DMXL2: variants seen among roughly 807,000 people sequenced by gnomAD.
The protein encoded by DMXL2 is Dmx like 2.
DMXL2 carries 103 observed loss-of-function variants against 331.1 expected under a neutral mutation model. The observed-to-expected ratio is 0.31, with a 90% CI of 0.27 to 0.37. The LOEUF is 0.37. Ranked by LOEUF, DMXL2 falls within the 10% of genes least tolerant of loss-of-function variation. The probability of loss-of-function intolerance (pLI) is 1.00; values close to 1 mark genes in which losing one functional copy is unlikely to be tolerated. For missense variants in DMXL2, 3,171 were observed against 3,642.9 expected, an observed-to-expected ratio of 0.87 and a Z score of 3.33; for synonymous variants, 1,281 against 1,252.1, an observed-to-expected ratio of 1.02 and a Z score of -0.49.
intron 18 of DMXL2, among the ~76,000 whole-genome samples, chr15:51,496,788 A>G (rs775878706): frequency 3.3e-4 from 50 of 152,318 alleles, no homozygotes; most frequent in Non-Finnish European, 3.2e-4. Context: ...TATGAGAGAA[A>G]GCAGAGTCAA....
chr15:51,594,540 G>T (rs888207830), intron 1 of DMXL2, among the ~76,000 whole-genome samples: 2 of 152,134 alleles, frequency 1.3e-5, no homozygotes, highest in African/African-American at 4.8e-5. Flanking sequence ...AAGAAAAAGA[G>T]GGAATCCTCC....
chr15:51,505,292 A>G (rs2043979750), intron 16 of DMXL2, among the ~76,000 whole-genome samples: 1 of 152,220 alleles, frequency 6.6e-6, no homozygotes, highest in South Asian at 2.1e-4. Flanking sequence ...CTCTACTGTA[A>G]TCTCATTGTC....
intron 6 of DMXL2, among the ~76,000 whole-genome samples, chr15:51,559,534 A>G (rs1286223089): frequency 6.6e-6 from 1 of 152,060 alleles, no homozygotes; most frequent in Non-Finnish European, 1.5e-5. Context: ...GGGCAACATA[A>G]GGAGATAACA....
chr15:51,472,200 C>T (rs755945835), intron 28 of DMXL2, among the ~76,000 whole-genome samples: 42 of 152,090 alleles, frequency 2.8e-4, no homozygotes, highest in Non-Finnish European at 5.1e-4. Context: ...TAAACCTCCC[C>T]ATCACAGAAA....
Position 51,471,220 on chromosome 15 carries a change from T to C in DMXL2, c.7392+3A>G. The stretch of plus-strand genomic sequence containing the variant: ...TAAAGCTTGCATTCCTCACACTCCT[T>C]ACCTTTGCAACAAAATAATCCCACA... On this transcript the variant is annotated splice_donor_region_variant and intron_variant, in intron 29 of 43. Coordinates refer to ENST00000560891, the MANE Select transcript of DMXL2 (RefSeq NM_001378457.1). 6.2e-7 allele frequency: 1 copy of C among 1,613,422 alleles called. No homozygotes were observed. The highest frequency in any genetic ancestry group is 8.5e-7 in the Non-Finnish European group (1 of 1,179,524).
chr15:51,453,540 G>C lies in DMXL2; in HGVS notation c.8696+10C>G, dbSNP rs1452012845. On this transcript the variant is annotated intron_variant, in intron 41 of 43. Coordinates refer to ENST00000560891, the MANE Select transcript of DMXL2 (RefSeq NM_001378457.1). The stretch of plus-strand genomic sequence containing the variant: ...TTTATATTTCTTACTTTGCTTTTCT[G>C]TCAACCTACCTATTGTCATTGGAGT... 2 of 1,580,164 alleles carry C rather than the reference G, an allele frequency of 1.3e-6. No individual in the cohort carries two copies. Among genetic ancestry groups the C allele is most frequent in the Non-Finnish European group, 1.7e-6 (2 of 1,163,686 alleles).
chr15:51,454,545 A>G (rs1311205657), intron 40 of DMXL2, among the ~76,000 whole-genome samples: 2 of 152,162 alleles, frequency 1.3e-5, no homozygotes, highest in Non-Finnish European at 2.9e-5. Flanking sequence ...TGCCCAAGCT[A>G]GAGCGCAGTG....
intron 8 of DMXL2, among the ~76,000 whole-genome samples, chr15:51,543,459 T>G (rs1029914587): frequency 1.3e-5 from 2 of 152,202 alleles, no homozygotes; most frequent in Admixed American, 1.3e-4. Flanking sequence ...ACTACGGGGT[T>G]GCTCATTGCT....
intron 37 of DMXL2, 53 bp downstream of exon 37, chr15:51,457,263 AAGAGATTCCAAC>A (rs2039710214): frequency 6.5e-7 from 1 of 1,542,604 alleles, no homozygotes. Flanking sequence ...TCCTATGTCA[AAGAGATTCCAAC>A]TGATTTTTCA....
rs758194542 is a variant in DMXL2 at position 51,480,032 on chromosome 15, C to G, written c.6672G>C (p.Leu2224Phe). 4.1e-5 allele frequency: 65 copies of G among 1,599,436 alleles called. No homozygotes were observed. Among genetic ancestry groups the G allele is most frequent in the Admixed American group, 2.8e-4 (17 of 59,776 alleles). ...TATCATGGATGTGATTATTTAAGTACAATACAGGATTAGCTATGACTGTTT... is the reference window on the plus strand; with the variant it reads ...TATCATGGATGTGATTATTTAAGTAGAATACAGGATTAGCTATGACTGTTT... ...STKTVIANPVLYLNNHIHDIL... is the reference protein window; with the variant it reads ...STKTVIANPVFYLNNHIHDIL... Residue 2224 changes from leucine to phenylalanine, a missense_variant, in exon 25 of 44, where the codon TTG becomes TTC. Transcript: ENST00000560891.
At chr15:51,570,531 G>C (rs894302925) in intron 2 of DMXL2, among the ~76,000 whole-genome samples, 3 of 152,068 alleles carry the variant, frequency 2.0e-5, no homozygotes, top group Non-Finnish European at 4.4e-5. Flanking sequence ...AAATGTTAAG[G>C]GCAGCCAGAG....
intron 6 of DMXL2, among the ~76,000 whole-genome samples, chr15:51,555,147 G>A (rs2049478308): frequency 6.6e-6 from 1 of 152,184 alleles, no homozygotes; most frequent in Admixed American, 6.5e-5. Context: ...GACAGTGAGA[G>A]ACTCTGTCTC....
rs3078066 is a variant in DMXL2, at chr15:51,576,183, TAAAAAAA to T, written c.88-9_88-3del. 8.6e-5 allele frequency: 54 copies of T among 628,798 alleles called. 1 individual carries two copies. The highest frequency in any genetic ancestry group is 4.9e-4 in the Middle Eastern group (1 of 2,044). The allele number at this position is 628,798 out of a possible 1,614,324, so 39.0% of individuals were successfully genotyped here. A position where few individuals can be genotyped will look rare whatever the true frequency, so the allele number is the denominator to read the frequency against. ...AATATCACAGCCTGATCCATATGCC[TAAAAAAA>T]AAAAAAAAAAAAAGTTTTACAATAC... is the stretch of plus-strand genomic sequence containing the variant. On this transcript the variant is annotated splice_region_variant and splice_polypyrimidine_tract_variant and intron_variant, in intron 1 of 43. Transcript: ENST00000560891.
chr15:51,455,929 G>A (rs2039580006), intron 39 of DMXL2, 137 bp downstream of exon 39: 4 of 983,232 alleles, frequency 4.1e-6, no homozygotes, highest in South Asian at 1.6e-5. Context: ...GAGAGTGTAT[G>A]AATAGACTCC....
intron 1 of DMXL2, among the ~76,000 whole-genome samples, chr15:51,602,487 C>A (rs943578603): frequency 6.6e-6 from 1 of 152,094 alleles, no homozygotes; most frequent in Non-Finnish European, 1.5e-5. Flanking sequence ...GGTACAGTCA[C>A]AGGAAGTGAC....
At chr15:51,451,753 ATCAGGGACAACCTGTCTT>A (rs2039162316) in intron 41 of DMXL2, 56 bp from the exon 42 acceptor site, 2 of 1,452,778 alleles carry the variant, frequency 1.4e-6, no homozygotes, top group Non-Finnish European at 9.6e-7. Flanking sequence ...ATAAGTCGTC[ATCAGGGACAACCTGTCTT>A]TCAGTCAAAT....
intron 23 of DMXL2, among the ~76,000 whole-genome samples, chr15:51,483,154 T>G (rs576654046): frequency 1.3e-5 from 2 of 152,290 alleles, no homozygotes; most frequent in East Asian, 3.9e-4. Flanking sequence ...AAGCCCTGTG[T>G]CCAGTTTGGA....
chr15:51,524,409 C>G (rs1278458096), intron 13 of DMXL2, among the ~76,000 whole-genome samples: 1 of 152,118 alleles, frequency 6.6e-6, no homozygotes, highest in African/African-American at 2.4e-5. Flanking sequence ...AATTTAACCA[C>G]TATACGAAAA....
intron 13 of DMXL2, among the ~76,000 whole-genome samples, chr15:51,534,726 T>C (rs977217276): frequency 5.9e-5 from 9 of 152,352 alleles, no homozygotes; most frequent in Admixed American, 3.9e-4. Context: ...TTTACACATG[T>C]ACTTTCCTGT....
Sources: allele counts gnomAD v4.1 joint callset (sites outside exome capture counted in the v4.1 genomes callset), GRCh38; gene constraint gnomAD v4.1.1; transcripts MANE v1.5; gene names NCBI Gene and HGNC (gene_info 2026-07-23, HGNC 2026-07-21).